Variants in SIAH3 observed in about 807,000 individuals in gnomAD.
The protein encoded by SIAH3 is siah E3 ubiquitin protein ligase family member 3, also known as seven in absentia homolog 3.
In SIAH3, 9 loss-of-function variants were observed where a neutral mutation model predicts 12.6. That is an observed-to-expected ratio of 0.72 (90% CI 0.43 to 1.25). The LOEUF (loss-of-function observed/expected upper bound fraction) is 1.25, where lower values mean the gene tolerates loss of function less well. SIAH3 is among the 50% of genes most tolerant of loss of function. SIAH3 has a pLI of 0.00. For synonymous variants in SIAH3, 154 were observed against 151.1 expected (o/e 1.02, Z -0.14); for missense variants, 390 against 365.4 (o/e 1.07, Z -0.55).
chr13:45,793,031 C>T (rs1039442114), intron 1 of SIAH3, among the ~76,000 whole-genome samples: 4 of 152,200 alleles, frequency 2.6e-5, no homozygotes, highest in South Asian at 2.1e-4. Context: ...TACCCAAAGC[C>T]ACATTAACTA....
At chr13:45,797,334 C>A (rs922849227) in intron 1 of SIAH3, among the ~76,000 whole-genome samples, 2 of 152,138 alleles carry the variant, frequency 1.3e-5, no homozygotes, top group Admixed American at 6.5e-5. Flanking sequence ...ATTGCTCCAG[C>A]CTGCATAATG....
chr13:45,851,339 G>A (rs1950780871), intron 1 of SIAH3, among the ~76,000 whole-genome samples, 156 bp downstream of exon 1: 1 of 152,196 alleles, frequency 6.6e-6, no homozygotes, highest in South Asian at 2.1e-4. Flanking sequence ...GAGAGCGAGA[G>A]TGAGCCGAGG....
chr13:45,815,256 A>G (rs1389473789), intron 1 of SIAH3, among the ~76,000 whole-genome samples: 1 of 152,084 alleles, frequency 6.6e-6, no homozygotes, highest in African/African-American at 2.4e-5. Context: ...TGTTGTTTAG[A>G]TGAGGTGAAC....
rs757396932 is a variant in SIAH3, at chr13:45,783,933, G to T, written c.260C>A (p.Pro87His). 1.2e-5 allele frequency: 20 copies of T among 1,608,870 alleles called. 2 individuals carry two copies. The South Asian group carries it at 2.1e-4, about 17-fold the overall frequency. The change falls in exon 2 of 2, where the codon CCC (proline) becomes CAC (histidine). Residue 87 changes from proline to histidine, a missense_variant. By Grantham distance (77) the Pro-to-His change is moderately conservative. Coordinates refer to ENST00000400405, the MANE Select transcript of SIAH3 (RefSeq NM_198849.3). Reference protein sequence around the residue: ...HHHHLRHHAHPHHLHHQEAGL... With the variant: ...HHHHLRHHAHHHHLHHQEAGL... ...CGCCTCCTGGTGGTGAAGGTGGTGG[G>T]GGTGGGCGTGGTGGCGGAGGTGGTG...
At chr13:45,799,528 C>T (rs572335875) in intron 1 of SIAH3, among the ~76,000 whole-genome samples, 8 of 152,282 alleles carry the variant, frequency 5.3e-5, no homozygotes, top group South Asian at 2.1e-4. Context: ...ACTTAATCCT[C>T]GTGTGGCCTC....
chr13:45,840,688 G>A (rs73472600), intron 1 of SIAH3, among the ~76,000 whole-genome samples: 6,578 of 152,200 alleles, frequency 0.043, 375 homozygotes, highest in East Asian at 0.13. Context: ...ATCTTTGTGT[G>A]CATTTATACA....
chr13:45,843,017 T>G (rs997203759), intron 1 of SIAH3, among the ~76,000 whole-genome samples: 16 of 141,972 alleles, frequency 1.1e-4, no homozygotes, highest in African/African-American at 4.7e-4. Flanking sequence ...ATTGCCATTA[T>G]TTCTCTCTCT....
At chr13:45,821,590 C>A (rs528984578) in intron 1 of SIAH3, among the ~76,000 whole-genome samples, 5 of 152,326 alleles carry the variant, frequency 3.3e-5, no homozygotes, top group African/African-American at 7.2e-5. Flanking sequence ...AATAATTAGA[C>A]TTCAAGGTGG....
rs1374126566 is a variant in SIAH3, at chr13:45,783,373, G to A, written c.*10C>T. Reference sequence around the variant, plus strand: ...GGAGGCTGTGTGGGGAGCATCCGTGGCTCCTGGCCTCACATTTCAGCTTCT... The same window carrying A: ...GGAGGCTGTGTGGGGAGCATCCGTGACTCCTGGCCTCACATTTCAGCTTCT... On this transcript the variant is annotated 3_prime_UTR_variant, in exon 2 of 2. Transcript: ENST00000400405. 1 of 1,599,154 alleles carries A rather than the reference G, an allele frequency of 6.3e-7. No individual in the cohort carries two copies. The highest frequency in any genetic ancestry group is 1.7e-5 in the Admixed American group (1 of 59,578).
At chr13:45,822,520 A>ATATATATAT (rs1950659162) in intron 1 of SIAH3, among the ~76,000 whole-genome samples, 1 of 85,420 alleles carries the variant, frequency 1.2e-5, no homozygotes, top group Non-Finnish European at 2.2e-5. Context: ...TTCATTATCA[A>ATATATATAT]ATATATATAT....
At chr13:45,830,278 T>C (rs1950694116) in intron 1 of SIAH3, among the ~76,000 whole-genome samples, 1 of 152,136 alleles carries the variant, frequency 6.6e-6, no homozygotes, top group Non-Finnish European at 1.5e-5. Context: ...AAAGTCTCCA[T>C]AAAGAGTGAG....
intron 1 of SIAH3, among the ~76,000 whole-genome samples, chr13:45,846,342 G>T (rs138212118): frequency 1.3e-5 from 2 of 152,012 alleles, no homozygotes; most frequent in Admixed American, 6.5e-5. Flanking sequence ...CACCTGCCTC[G>T]GCCTCACAAA....
chr13:45,836,141 G>A (rs151127085), intron 1 of SIAH3, among the ~76,000 whole-genome samples: 3 of 152,280 alleles, frequency 2.0e-5, no homozygotes, highest in Admixed American at 6.5e-5. Context: ...CAGTGAGAAC[G>A]AGTGAGGCAG....
chr13:45,825,373 C>A (rs1950670338), intron 1 of SIAH3, among the ~76,000 whole-genome samples: 1 of 152,156 alleles, frequency 6.6e-6, no homozygotes, highest in South Asian at 2.1e-4. Context: ...ATTATCTCGA[C>A]TCTGGGAGCA....
intron 1 of SIAH3, among the ~76,000 whole-genome samples, chr13:45,803,638 T>C (rs1950589745): frequency 6.6e-6 from 1 of 152,150 alleles, no homozygotes; most frequent in Admixed American, 6.5e-5. Context: ...GCCCTGAAAG[T>C]TACAAATAGT....
At chr13:45,818,989 C>T (rs1950645082) in intron 1 of SIAH3, among the ~76,000 whole-genome samples, 1 of 152,156 alleles carries the variant, frequency 6.6e-6, no homozygotes, top group Non-Finnish European at 1.5e-5. Flanking sequence ...CCCTTAGGTG[C>T]TCACATTCTA....
chr13:45,786,874 A>G (rs548997273), intron 1 of SIAH3, among the ~76,000 whole-genome samples: 1 of 152,278 alleles, frequency 6.6e-6, no homozygotes, highest in Non-Finnish European at 1.5e-5. Context: ...GAATGTCCTG[A>G]AATCCCCATT....
intron 1 of SIAH3, among the ~76,000 whole-genome samples, chr13:45,822,929 G>A (rs557984073): frequency 1.6e-5 from 2 of 122,878 alleles, no homozygotes; most frequent in African/African-American, 6.9e-5. Flanking sequence ...AAGAACAAAG[G>A]CCACAAAGTC....
In SIAH3 at chr13:45,824,393, AGCTCT is replaced by A. The variant is rs145556608; in HGVS notation, c.135+27097_135+27101del. On this transcript the variant is annotated intron_variant, in intron 1 of 1. Coordinates refer to ENST00000400405, the MANE Select transcript of SIAH3 (RefSeq NM_198849.3). The stretch of plus-strand genomic sequence containing the variant: ...CTGCCCCCCTTGCTGCTGTCGATAA[AGCTCT>A]GCTATTAACAAAAGCAATAACAGAA... Among the ~76,000 whole-genome samples, 254 of 152,326 alleles carry A rather than the reference AGCTCT, an allele frequency of 1.7e-3. 3 individuals carry two copies. The East Asian group carries it at 0.038, about 23-fold the overall frequency.
Sources: gnomAD v4.1 joint callset for allele counts (sites outside exome capture counted in the v4.1 genomes callset) on GRCh38, gnomAD v4.1.1 for gene constraint, MANE v1.5 for transcripts, NCBI Gene and HGNC (gene_info 2026-07-23, HGNC 2026-07-21) for gene names.